CEACAM20: variants seen among roughly 807,000 people sequenced by gnomAD.
CEACAM20 encodes the protein CEA cell adhesion molecule 20, also known as cell adhesion molecule CEACAM20.
In CEACAM20, 50 loss-of-function variants were observed where a neutral mutation model predicts 61.2. That is an observed-to-expected ratio of 0.82 (90% CI 0.65 to 1.03). The LOEUF (loss-of-function observed/expected upper bound fraction) is 1.03. CEACAM20 is among the 50% of genes least tolerant of loss of function. The pLI is 0.00. For synonymous variants in CEACAM20, 282 were observed against 287.7 expected (o/e 0.98, Z 0.20); for missense variants, 683 against 736.4 (o/e 0.93, Z 0.84).
chr19:44,509,276 G>A (rs1172764810), intron 11 of CEACAM20, among the ~76,000 whole-genome samples: 1 of 151,706 alleles, frequency 6.6e-6, no homozygotes, highest in East Asian at 1.9e-4. Context: ...GGTAATGAGG[G>A]GAGAGAAGTG....
intron 1 of CEACAM20, among the ~76,000 whole-genome samples, chr19:44,526,524 C>A (rs965109695): frequency 4.7e-5 from 7 of 147,418 alleles, no homozygotes; most frequent in African/African-American, 1.8e-4. Flanking sequence ...TAGAAACACA[C>A]AAAAAAATGA....
At chr19:44,525,323 G>A (rs1971497663) in intron 1 of CEACAM20, 79 bp from the exon 2 acceptor site, 2 of 1,386,446 alleles carry the variant, frequency 1.4e-6, no homozygotes, top group Admixed American at 5.3e-5. Context: ...AGAAGCACAG[G>A]GAGCTCTGAG....
At chr19:44,521,542 GTT>G (rs1433429712) in intron 4 of CEACAM20, among the ~76,000 whole-genome samples, 3 of 152,008 alleles carry the variant, frequency 2.0e-5, no homozygotes, top group Admixed American at 6.6e-5. Context: ...TGTGTTGTGA[GTT>G]TGTGTATATG....
chr19:44,526,524 C>CA (rs1376177610), intron 1 of CEACAM20, among the ~76,000 whole-genome samples: 1 of 147,536 alleles, frequency 6.8e-6, no homozygotes, highest in African/African-American at 2.5e-5. Context: ...TAGAAACACA[C>CA]AAAAAAATGA....
In CEACAM20 at chr19:44,525,011, C is replaced by T. The variant is rs577030936; in HGVS notation, c.196+90G>A. On this transcript the variant is annotated intron_variant, in intron 2 of 11. Coordinates refer to ENST00000614924, the MANE Select transcript of CEACAM20 (RefSeq NM_001102597.3). Reference sequence around the variant, plus strand: ...GGACCCTGGCTGAGCCAATCAGATTCGTCCTCTGGGGACTTTGGGCGTGAG... The same window carrying T: ...GGACCCTGGCTGAGCCAATCAGATTTGTCCTCTGGGGACTTTGGGCGTGAG... 6.2e-5 allele frequency: 94 copies of T among 1,521,200 alleles called. No homozygotes were observed. In the South Asian group the frequency reaches 6.6e-4, roughly 11 times the overall value. 94.2% of individuals were successfully genotyped at this position (1,521,200 alleles called of 1,614,324 possible). A position where few individuals can be genotyped will look rare whatever the true frequency, so the allele number is the denominator to read the frequency against.
chr19:44,510,611 A>AGAAAGG lies in CEACAM20; in HGVS notation c.1737+418_1737+419insCCTTTC, dbSNP rs71171251. 2.7e-3 allele frequency among the ~76,000 whole-genome samples: 192 copies of AGAAAGG among 72,340 alleles called. 4 individuals are homozygous for AGAAAGG. Among genetic ancestry groups the AGAAAGG allele is most frequent in the African/African-American group, 8.0e-3 (125 of 15,616 alleles). 47.5% of individuals were successfully genotyped at this position (72,340 alleles called of 152,430 possible). A position where few individuals can be genotyped will look rare whatever the true frequency, so the allele number is the denominator to read the frequency against. On this transcript the variant is annotated intron_variant, in intron 11 of 11. Transcript: ENST00000614924. The stretch of plus-strand genomic sequence containing the variant: ...AAGAAAGAAAGAAAGAAAGAAAGAA[A>AGAAAGG]AAGGAAGGAAGGAAGAAAGAAAGAG...
chr19:44,506,271 C>T (rs1600108484), intron 11 of CEACAM20, 57 bp from the exon 12 acceptor site: 1 of 1,509,994 alleles, frequency 6.6e-7, no homozygotes, highest in Non-Finnish European at 9.2e-7. Context: ...TCCCAGTCTA[C>T]TCACTGTAGT....
rs201465799 is a variant in CEACAM20, at chr19:44,513,290, C to A, written c.1310-1G>T. 1 of 1,606,310 alleles carries A rather than the reference C, an allele frequency of 6.2e-7. No homozygotes were observed. Among genetic ancestry groups the A allele is most frequent in the South Asian group, 1.1e-5 (1 of 90,836 alleles). ...GAGGACAGGGAGGAGGACTGGGGAC[C>A]TGGGCAAGGAGACAGAATCAAGACC... On this transcript the variant is annotated splice_acceptor_variant, in intron 6 of 11. Coordinates refer to ENST00000614924, the MANE Select transcript of CEACAM20 (RefSeq NM_001102597.3). LOFTEE classifies it high-confidence loss of function.
chr19:44,520,428 G>T (rs776564964), intron 5 of CEACAM20, 46 bp downstream of exon 5: 1 of 1,588,318 alleles, frequency 6.3e-7, no homozygotes, highest in Non-Finnish European at 8.6e-7. Flanking sequence ...TAAAGAGAAG[G>T]AGGGAAGCAG....
At chr19:44,513,030 C>G in intron 7 of CEACAM20, 77 bp from the exon 8 acceptor site, 1 of 1,375,154 alleles carries the variant, frequency 7.3e-7, no homozygotes, top group Non-Finnish European at 1.0e-6. Context: ...TATCCCATGT[C>G]CATTCTTGAA....
chr19:44,517,525 G>T (rs1054247563), intron 5 of CEACAM20, among the ~76,000 whole-genome samples: 1 of 151,622 alleles, frequency 6.6e-6, no homozygotes, highest in African/African-American at 2.4e-5. Flanking sequence ...GTGAAACCCC[G>T]TATCTACTAA....
At chr19:44,506,288 C>A in intron 11 of CEACAM20, 74 bp from the exon 12 acceptor site, 2 of 1,300,926 alleles carry the variant, frequency 1.5e-6, no homozygotes, top group South Asian at 1.2e-5. Flanking sequence ...TAGTCTGGGG[C>A]CCAAACAGCC....
intron 2 of CEACAM20, 87 bp downstream of exon 2, chr19:44,525,014 C>G: frequency 6.5e-7 from 1 of 1,540,696 alleles, no homozygotes; most frequent in Non-Finnish European, 8.8e-7. Flanking sequence ...TCAGATTCGT[C>G]CTCTGGGGAC....
At position 44,525,109 on chromosome 19, in the gene CEACAM20, C is replaced by T. The variant is rs373440198; in HGVS notation, c.188G>A (p.Arg63Lys). The T allele has an allele frequency of 5.3e-5, 85 of 1,611,132 alleles. No homozygotes were observed. Among genetic ancestry groups the T allele is most frequent in the Non-Finnish European group, 6.8e-6 (8 of 1,178,824 alleles). ...TGTTTTCTGGCCCCTACCTCTGGAT[C>T]TGCCATGAATCTGGGGTGTCCTGGG... ...GTPRTPQIHG[R>K]SRELAKPSIA... Residue 63 changes from arginine to lysine, a missense_variant, in exon 2 of 12, where the codon AGA becomes AAA. Coordinates refer to ENST00000614924, the MANE Select transcript of CEACAM20 (RefSeq NM_001102597.3).
intron 11 of CEACAM20, among the ~76,000 whole-genome samples, chr19:44,509,494 A>G (rs1970911384): frequency 6.6e-6 from 1 of 152,212 alleles, no homozygotes; most frequent in Non-Finnish European, 1.5e-5. Flanking sequence ...AACTTAAATG[A>G]AATGAAAAGG....
chr19:44,515,302 C>T (rs1304745851), intron 6 of CEACAM20, among the ~76,000 whole-genome samples: 1 of 152,112 alleles, frequency 6.6e-6, no homozygotes, highest in African/African-American at 2.4e-5. Flanking sequence ...GACCTTCATA[C>T]ATGATCTTAT....
rs766767904 is a variant in CEACAM20, at chr19:44,510,608, GAAAA to G, written c.1737+418_1737+421del. Reference sequence around the variant, plus strand: ...AGAAAGAAAGAAAGAAAGAAAGAAAGAAAAAGGAAGGAAGGAAGAAAGAAAGAGA... The same window carrying G: ...AGAAAGAAAGAAAGAAAGAAAGAAAGAGGAAGGAAGGAAGAAAGAAAGAGA... On this transcript the variant is annotated intron_variant, in intron 11 of 11. Coordinates refer to ENST00000614924, the MANE Select transcript of CEACAM20 (RefSeq NM_001102597.3). 5.1e-5 allele frequency among the ~76,000 whole-genome samples: 4 copies of G among 79,018 alleles called. 1 individual carries two copies. Among genetic ancestry groups the G allele is most frequent in the African/African-American group, 2.1e-4 (3 of 14,596 alleles). The allele number at this position is 79,018 out of a possible 152,430, so 51.8% of individuals were successfully genotyped here.
intron 9 of CEACAM20, 68 bp downstream of exon 9, chr19:44,511,949 C>T: frequency 7.0e-7 from 1 of 1,433,580 alleles, no homozygotes; most frequent in Middle Eastern, 2.0e-4. Flanking sequence ...CAGCCCCCAC[C>T]CTAAGAAGTA....
At chr19:44,510,933 CT>C in intron 11 of CEACAM20, 96 bp downstream of exon 11, 1 of 1,448,670 alleles carries the variant, frequency 6.9e-7, no homozygotes. Context: ...GGAAATTTTT[CT>C]TCATAGTTCA....
Sources: allele counts gnomAD v4.1 joint callset (sites outside exome capture counted in the v4.1 genomes callset), GRCh38; gene constraint gnomAD v4.1.1; transcripts MANE v1.5; gene names NCBI Gene and HGNC (gene_info 2026-07-23, HGNC 2026-07-21).